The following RASSF8 variants were observed in gnomAD, a reference collection of about 807,000 sequenced individuals.
RASSF8 encodes the protein ras association domain-containing protein 8.
Under a neutral mutation model 48.5 loss-of-function variants are expected in RASSF8, and 22 were observed. The observed-to-expected ratio is 0.45, with a 90% CI of 0.32 to 0.65. RASSF8 has a LOEUF of 0.65. Ranked by LOEUF, RASSF8 falls within the 30% of genes least tolerant of loss-of-function variation. The pLI is 0.03. For synonymous variants in RASSF8, 127 were observed against 171.5 expected, an observed-to-expected ratio of 0.74 and a Z score of 2.03; for missense variants, 418 against 489.2, an observed-to-expected ratio of 0.85 and a Z score of 1.37.
chr12:26,071,085 A>C lies in RASSF8; in HGVS notation c.*2267A>C, dbSNP rs1354674066. On this transcript the variant is annotated 3_prime_UTR_variant, in exon 6 of 6. Coordinates refer to ENST00000689635, the MANE Select transcript of RASSF8 (RefSeq NM_001394098.1). ...AAAATTTCCTAGGCGACGAAAGTAT[A>C]GAAATGTGAATATGTTGAATACATT... 10 of 978,412 alleles carry C rather than the reference A, an allele frequency of 1.0e-5. No homozygotes were observed. The highest frequency in any genetic ancestry group is 1.2e-5 in the Non-Finnish European group (10 of 823,566). 60.6% of individuals were successfully genotyped at this position (978,412 alleles called of 1,614,324 possible). A position where few individuals can be genotyped will look rare whatever the true frequency, so the allele number is the denominator to read the frequency against.
intron 1 of RASSF8, among the ~76,000 whole-genome samples, chr12:25,990,784 G>A (rs1029289120): frequency 6.6e-6 from 1 of 152,188 alleles, no homozygotes; most frequent in Admixed American, 6.5e-5. Flanking sequence ...AGTATTTATA[G>A]TTTATTTTGT....
chr12:26,071,823 A>G lies in RASSF8; in HGVS notation c.*3005A>G. Reference sequence around the variant, plus strand: ...AACTATATAAATACAGTAAAAAAAAAATAGAATTTATGGTGTGAAATATGA... The same window carrying G: ...AACTATATAAATACAGTAAAAAAAAGATAGAATTTATGGTGTGAAATATGA... On this transcript the variant is annotated 3_prime_UTR_variant, in exon 6 of 6. Coordinates refer to ENST00000689635, the MANE Select transcript of RASSF8 (RefSeq NM_001394098.1). 1.0e-6 allele frequency: 1 copy of G among 980,226 alleles called. No homozygotes were observed. The highest frequency in any genetic ancestry group is 1.2e-6 in the Non-Finnish European group (1 of 825,200). The allele number at this position is 980,226 out of a possible 1,614,324, so 60.7% of individuals were successfully genotyped here.
At chr12:25,984,031 G>A (rs909856898) in intron 1 of RASSF8, among the ~76,000 whole-genome samples, 1 of 152,102 alleles carries the variant, frequency 6.6e-6, no homozygotes, top group Non-Finnish European at 1.5e-5. Flanking sequence ...CAAAACTGAA[G>A]TAGTACATTG....
chr12:26,078,393 G>A (rs959990664), intron 5 of RASSF8, among the ~76,000 whole-genome samples: 5 of 152,190 alleles, frequency 3.3e-5, no homozygotes, highest in Admixed American at 1.3e-4. Context: ...ATGAAAAGGA[G>A]TAATCTGGGC....
At chr12:26,078,800 C>A (rs571943325) in intron 5 of RASSF8, among the ~76,000 whole-genome samples, 1 of 151,972 alleles carries the variant, frequency 6.6e-6, no homozygotes, top group South Asian at 2.1e-4. Flanking sequence ...AGCTTTATAA[C>A]CTAAAGATAT....
intron 2 of RASSF8, among the ~76,000 whole-genome samples, chr12:26,044,237 A>G (rs1351045259): frequency 6.6e-6 from 1 of 152,086 alleles, no homozygotes; most frequent in East Asian, 1.9e-4. Flanking sequence ...ATTTCATTCC[A>G]TGAGTTTCCT....
At chr12:26,068,555 C>T (rs1943932637) in intron 5 of RASSF8, 142 bp from the exon 6 acceptor site, 2 of 658,868 alleles carry the variant, frequency 3.0e-6, no homozygotes, top group South Asian at 3.9e-5. Context: ...AGCCTTCTCC[C>T]CCAGCCCAGG....
At chr12:26,001,619 T>G (rs1265662803) in intron 2 of RASSF8, among the ~76,000 whole-genome samples, 1 of 152,098 alleles carries the variant, frequency 6.6e-6, no homozygotes, top group African/African-American at 2.4e-5. Context: ...TTAGCCTAGG[T>G]CTACACAGGG....
chr12:26,048,831 G>A (rs576744107), intron 2 of RASSF8, among the ~76,000 whole-genome samples: 17 of 151,950 alleles, frequency 1.1e-4, no homozygotes, highest in Non-Finnish European at 1.6e-4. Context: ...TTGGCTCACC[G>A]CAACCTCCAC....
intron 2 of RASSF8, among the ~76,000 whole-genome samples, chr12:26,019,192 T>C (rs1942726080): frequency 6.6e-6 from 1 of 152,184 alleles, no homozygotes; most frequent in African/African-American, 2.4e-5. Context: ...TTCAAAATAA[T>C]CTTAGTAATA....
intron 1 of RASSF8, among the ~76,000 whole-genome samples, chr12:25,978,183 C>T (rs1941654568): frequency 6.6e-6 from 1 of 152,184 alleles, no homozygotes; most frequent in Non-Finnish European, 1.5e-5. Context: ...TACATTCTAG[C>T]TGAGTATGTA....
Position 25,959,155 on chromosome 12 carries a change from A to G in RASSF8, c.-203+7A>G, listed in dbSNP as rs1316651434. The G allele has an allele frequency of 6.6e-6, 1 of 151,840 alleles. No homozygotes were observed. Among genetic ancestry groups the G allele is most frequent in the Non-Finnish European group, 1.5e-5 (1 of 67,938 alleles). 9.4% of individuals were successfully genotyped at this position (151,840 alleles called of 1,614,324 possible). On this transcript the variant is annotated splice_region_variant and intron_variant, in intron 1 of 5. Transcript: ENST00000689635. ...GGCGCAGTTGCGAAACTGAGTAAGTATTAACTTTACTTAGCGGCGGCGATC... is the reference window on the plus strand; with the variant it reads ...GGCGCAGTTGCGAAACTGAGTAAGTGTTAACTTTACTTAGCGGCGGCGATC...
chr12:26,032,124 GC>G (rs1943043372), intron 2 of RASSF8, among the ~76,000 whole-genome samples: 1 of 152,126 alleles, frequency 6.6e-6, no homozygotes, highest in African/African-American at 2.4e-5. Flanking sequence ...CATTGAGCTT[GC>G]TTTTTTGAAA....
chr12:25,985,842 G>A (rs1219651770), intron 1 of RASSF8, among the ~76,000 whole-genome samples: 1 of 152,140 alleles, frequency 6.6e-6, no homozygotes, highest in Non-Finnish European at 1.5e-5. Flanking sequence ...CAGCAGACAG[G>A]GCTGGATTCG....
intron 3 of RASSF8, among the ~76,000 whole-genome samples, chr12:26,057,635 A>C (rs962984446): frequency 2.5e-4 from 38 of 152,196 alleles, no homozygotes; most frequent in African/African-American, 9.2e-4. Flanking sequence ...TCCTTTGGGT[A>C]TATACGCAAT....
chr12:26,039,554 A>C (rs1943221298), intron 2 of RASSF8, among the ~76,000 whole-genome samples: 1 of 152,132 alleles, frequency 6.6e-6, no homozygotes, highest in Non-Finnish European at 1.5e-5. Context: ...ACTTATCAAC[A>C]CTATTTGAAT....
chr12:25,999,973 TTTAG>T lies in RASSF8; in HGVS notation c.-109+4850_-109+4853del, dbSNP rs575074251. On this transcript the variant is annotated intron_variant, in intron 2 of 5. Coordinates refer to ENST00000689635, the MANE Select transcript of RASSF8 (RefSeq NM_001394098.1). ...ATGTTTCTGGATAGGAAGACAATTC[TTTAG>T]TTAGTTTTAATATTTTATATTGATT... 9.8e-5 allele frequency among the ~76,000 whole-genome samples: 15 copies of T among 152,324 alleles called. No individual in the cohort carries two copies. The South Asian group carries it at 1.0e-3, about 11-fold the overall frequency.
At position 26,071,119 on chromosome 12, in the gene RASSF8, G is replaced by A. The variant is rs1332929995; in HGVS notation, c.*2301G>A. 1.3e-5 allele frequency: 13 copies of A among 973,426 alleles called. No individual in the cohort carries two copies. Among genetic ancestry groups the A allele is most frequent in the Middle Eastern group, 5.2e-4 (1 of 1,910 alleles). The allele number at this position is 973,426 out of a possible 1,614,324, so 60.3% of individuals were successfully genotyped here. On this transcript the variant is annotated 3_prime_UTR_variant, in exon 6 of 6. Coordinates refer to ENST00000689635, the MANE Select transcript of RASSF8 (RefSeq NM_001394098.1). ...AATATGTTGAATACATTGAGAAGCT[G>A]TACTTTTTAATTAGTTATATTACTT...
At chr12:26,073,462 C>G (rs61298775), downstream of RASSF8, among the ~76,000 whole-genome samples, 1 of 152,100 alleles carries the variant, frequency 6.6e-6, no homozygotes, top group African/African-American at 2.4e-5. Flanking sequence ...GAGGGCCGGG[C>G]GCAGTGGCTC....
Sources: gnomAD v4.1 joint callset for allele counts (sites outside exome capture counted in the v4.1 genomes callset) on GRCh38, gnomAD v4.1.1 for gene constraint, MANE v1.5 for transcripts, NCBI Gene and HGNC (gene_info 2026-07-23, HGNC 2026-07-21) for gene names.